The following GUCY1A2 variants were observed in gnomAD, a reference collection of about 807,000 sequenced individuals.
GUCY1A2 encodes the protein guanylate cyclase soluble subunit alpha-2.
GUCY1A2 carries 27 observed loss-of-function variants against 63.5 expected under a neutral mutation model. The observed-to-expected ratio is 0.43, with a 90% CI of 0.31 to 0.59. The LOEUF (loss-of-function observed/expected upper bound fraction) is 0.59, where lower values mean the gene tolerates loss of function less well. Ranked by LOEUF, GUCY1A2 falls within the 20% of genes least tolerant of loss-of-function variation. The pLI is 0.11. For synonymous variants in GUCY1A2, 364 were observed against 343.5 expected, an observed-to-expected ratio of 1.06 and a Z score of -0.66; for missense variants, 768 against 913.3, an observed-to-expected ratio of 0.84 and a Z score of 2.05.
At chr11:106,823,722 A>C (rs1172701099) in intron 4 of GUCY1A2, among the ~76,000 whole-genome samples, 1 of 152,158 alleles carries the variant, frequency 6.6e-6, no homozygotes, top group Non-Finnish European at 1.5e-5. Flanking sequence ...CATCCACACA[A>C]ACATCTATTG....
intron 2 of GUCY1A2, among the ~76,000 whole-genome samples, chr11:106,981,969 T>A (rs1861342376): frequency 1.3e-5 from 2 of 152,198 alleles, no homozygotes; most frequent in Non-Finnish European, 2.9e-5. Context: ...TCAATTCATT[T>A]ATTGATTATC....
chr11:106,761,259 A>C (rs1238894788), intron 6 of GUCY1A2, among the ~76,000 whole-genome samples: 4 of 152,142 alleles, frequency 2.6e-5, no homozygotes. Flanking sequence ...TGATCTTCAA[A>C]TTTCCAACTT....
chr11:106,776,724 T>C (rs1160966355), intron 5 of GUCY1A2, 142 bp from the exon 6 acceptor site: 1 of 747,870 alleles, frequency 1.3e-6, no homozygotes, highest in East Asian at 2.6e-5. Flanking sequence ...CTGTTTATAA[T>C]CACAGCAGAG....
At chr11:106,922,182 G>C (rs924761525) in intron 4 of GUCY1A2, among the ~76,000 whole-genome samples, 2 of 152,084 alleles carry the variant, frequency 1.3e-5, no homozygotes, top group Admixed American at 6.6e-5. Flanking sequence ...TTGTCTCTCT[G>C]TTTCTTCAAC....
intron 4 of GUCY1A2, among the ~76,000 whole-genome samples, chr11:106,879,253 C>A (rs1429006634): frequency 6.6e-6 from 1 of 152,072 alleles, no homozygotes; most frequent in Non-Finnish European, 1.5e-5. Flanking sequence ...AGCAAACATT[C>A]ATCGATGGCG....
chr11:106,937,395 G>A (rs1860694619), intron 4 of GUCY1A2, among the ~76,000 whole-genome samples: 1 of 151,798 alleles, frequency 6.6e-6, no homozygotes, highest in South Asian at 2.1e-4. Context: ...AAATATAAGG[G>A]GAAAAAACCT....
chr11:106,827,104 T>C (rs1320254556), intron 4 of GUCY1A2: 5 of 1,487,622 alleles, frequency 3.4e-6, no homozygotes, highest in African/African-American at 2.8e-5. Flanking sequence ...GTAGATTTTC[T>C]TTACTTCACA....
chr11:106,800,199 T>C (rs996764625), intron 5 of GUCY1A2, among the ~76,000 whole-genome samples: 1 of 152,078 alleles, frequency 6.6e-6, no homozygotes, highest in African/African-American at 2.4e-5. Context: ...TACCATCTCA[T>C]ACCAGTTAGA....
chr11:106,935,902 C>G (rs1410081859), intron 4 of GUCY1A2, among the ~76,000 whole-genome samples: 1 of 150,980 alleles, frequency 6.6e-6, no homozygotes, highest in African/African-American at 2.4e-5. Context: ...CAATTGACCT[C>G]ATGTATATGT....
Position 106,939,675 on chromosome 11 carries a change from A to G in GUCY1A2, c.991T>C (p.Leu331=), listed in dbSNP as rs928634585. 10 of 1,613,828 alleles carry G rather than the reference A, an allele frequency of 6.2e-6. No individual in the cohort carries two copies. In the African/African-American group the frequency reaches 8.0e-5, roughly 13 times the overall value. Residue 331 remains leucine, a synonymous_variant, in exon 4 of 8, where the codon TTG becomes CTG. Coordinates refer to ENST00000526355, the MANE Select transcript of GUCY1A2 (RefSeq NM_000855.3). ...NTFCRAFPFH[L]MFDPSMSVLQ... is the part of the protein sequence containing the mutation. ...ACTGACATGCTGGGATCAAACATCA[A>G]GTGGAAAGGGAAGGCTCTACAGAAG...
At chr11:107,016,731 C>A (rs1290367516) in intron 1 of GUCY1A2, among the ~76,000 whole-genome samples, 2 of 149,864 alleles carry the variant, frequency 1.3e-5, no homozygotes, top group Non-Finnish European at 3.0e-5. Flanking sequence ...GTTTAAATAG[C>A]TAATGTGAGA....
In GUCY1A2 at chr11:106,826,991, A is replaced by G. The variant is rs1565302317; in HGVS notation, c.1207-16513T>C. ...CAGCCATATATCTTTTCATTGGTCA[A>G]TTCCACATAGACAGGCCACATCTCT... On this transcript the variant is annotated intron_variant, in intron 4 of 7. Coordinates refer to ENST00000526355, the MANE Select transcript of GUCY1A2 (RefSeq NM_000855.3). 6 of 1,610,624 alleles carry G rather than the reference A, an allele frequency of 3.7e-6. No homozygotes were observed. The South Asian group carries it at 4.4e-5, about 12-fold the overall frequency.
chr11:106,906,459 T>C (rs1305529313), intron 4 of GUCY1A2, among the ~76,000 whole-genome samples: 3 of 152,194 alleles, frequency 2.0e-5, no homozygotes, highest in African/African-American at 7.2e-5. Flanking sequence ...GGTGAGGCTG[T>C]GGAGAAATAG....
chr11:107,008,862 AAGAAGCAT>A (rs1390915447), intron 1 of GUCY1A2, among the ~76,000 whole-genome samples: 1 of 152,348 alleles, frequency 6.6e-6, no homozygotes, highest in African/African-American at 2.4e-5. Flanking sequence ...TTCATGTATG[AAGAAGCAT>A]AGACATAAAG....
At chr11:106,852,406 C>T (rs1292093751) in intron 4 of GUCY1A2, among the ~76,000 whole-genome samples, 3 of 152,098 alleles carry the variant, frequency 2.0e-5, no homozygotes, top group Non-Finnish European at 4.4e-5. Context: ...AGAGGAAAGG[C>T]TTTCAGCTTT....
At chr11:106,939,195 T>C (rs1860717738) in intron 4 of GUCY1A2, among the ~76,000 whole-genome samples, 1 of 152,238 alleles carries the variant, frequency 6.6e-6, no homozygotes, top group Non-Finnish European at 1.5e-5. Flanking sequence ...TAGTGAGTTC[T>C]ATCATTTTTG....
At position 106,830,636 on chromosome 11, in the gene GUCY1A2, C is replaced by A. The variant is rs74643308; in HGVS notation, c.1207-20158G>T. ...CTTCCTGCTCTCGAACAACAGACTC[C>A]AAGTTCTTCAGCTTTGGGACTCAGA... On this transcript the variant is annotated intron_variant, in intron 4 of 7. Coordinates refer to ENST00000526355, the MANE Select transcript of GUCY1A2 (RefSeq NM_000855.3). 7.3e-3 allele frequency among the ~76,000 whole-genome samples: 1,106 copies of A among 152,330 alleles called. 73 individuals are homozygous for A. The East Asian group carries it at 0.14, about 19-fold the overall frequency.
chr11:106,686,226 A>G lies in GUCY1A2; in HGVS notation c.*1323T>C, dbSNP rs957820315. ...GTGTGAGCCAGTAATATTTTCATGC[A>G]GTATTGATTAATGAGAACAGGTCTT... On this transcript the variant is annotated 3_prime_UTR_variant, in exon 8 of 8. Transcript: ENST00000526355. 1 of 217,612 alleles carries G rather than the reference A, an allele frequency of 4.6e-6. No homozygotes were observed. The highest frequency in any genetic ancestry group is 9.2e-6 in the Non-Finnish European group (1 of 108,278). The allele number at this position is 217,612 out of a possible 1,614,324, so 13.5% of individuals were successfully genotyped here. A position where few individuals can be genotyped will look rare whatever the true frequency, so the allele number is the denominator to read the frequency against.
chr11:106,782,534 A>T (rs1020700238), intron 5 of GUCY1A2, among the ~76,000 whole-genome samples: 2 of 152,128 alleles, frequency 1.3e-5, no homozygotes, highest in Admixed American at 6.5e-5. Flanking sequence ...AAAGGATGCC[A>T]TATTTCCCTT....
Sources: allele counts gnomAD v4.1 joint callset (sites outside exome capture counted in the v4.1 genomes callset), GRCh38; gene constraint gnomAD v4.1.1; transcripts MANE v1.5; gene names NCBI Gene and HGNC (gene_info 2026-07-23, HGNC 2026-07-21).